RNF217: variants seen among roughly 807,000 people sequenced by gnomAD.
RNF217 encodes the protein ring finger protein 217, also known as E3 ubiquitin-protein ligase RNF217.
A neutral mutation model predicts 57.8 loss-of-function variants in RNF217; 31 were observed. The ratio of observed to expected loss-of-function variants is 0.54; its 90% CI spans 0.40 to 0.72. The LOEUF (loss-of-function observed/expected upper bound fraction) is 0.72. Among genes scored for constraint, RNF217 ranks in the 30% least tolerant of loss-of-function variants. The probability of loss-of-function intolerance (pLI) is 0.00; values close to 1 mark genes in which losing one functional copy is unlikely to be tolerated. For synonymous variants in RNF217, 313 were observed against 294.0 expected (o/e 1.06, Z -0.66); for missense variants, 696 against 708.3 (o/e 0.98, Z 0.20).
intron 1 of RNF217, among the ~76,000 whole-genome samples, chr6:125,034,904 G>T (rs1247599153): frequency 6.6e-6 from 1 of 151,766 alleles, no homozygotes. Flanking sequence ...CCTTGAAGAG[G>T]TCCTTCACAT....
intron 1 of RNF217, among the ~76,000 whole-genome samples, chr6:125,028,808 C>A (rs182761549): frequency 4.5e-4 from 69 of 151,810 alleles, no homozygotes; most frequent in Middle Eastern, 3.4e-3. Flanking sequence ...TGTTAAATTA[C>A]TGTGATGTGT....
chr6:124,996,516 CT>C (rs1408117045), intron 1 of RNF217: 1 of 151,962 alleles, frequency 6.6e-6, no homozygotes, highest in Non-Finnish European at 1.5e-5. Flanking sequence ...TTTATGATGT[CT>C]TTTATGAAGA....
intron 1 of RNF217, among the ~76,000 whole-genome samples, chr6:125,041,420 T>C (rs766278376): frequency 6.6e-6 from 1 of 152,248 alleles, no homozygotes; most frequent in Admixed American, 6.5e-5. Flanking sequence ...AACCAGTGAT[T>C]TGTATTGTCT....
intron 2 of RNF217, among the ~76,000 whole-genome samples, chr6:125,050,029 GA>G (rs929906516): frequency 1.3e-5 from 2 of 151,658 alleles, no homozygotes. Flanking sequence ...TTACGAAAAT[GA>G]AAAAAATATT....
rs1788723581 is a variant in RNF217, at chr6:125,084,820, T to A, written c.*1883T>A. 1 of 151,908 alleles carries A rather than the reference T, an allele frequency of 6.6e-6. No homozygotes were observed. Among genetic ancestry groups the A allele is most frequent in the Non-Finnish European group, 1.5e-5 (1 of 67,826 alleles). 9.4% of individuals were successfully genotyped at this position (151,908 alleles called of 1,614,324 possible). On this transcript the variant is annotated 3_prime_UTR_variant, in exon 6 of 6. Transcript: ENST00000521654. The stretch of plus-strand genomic sequence containing the variant: ...TGTTTTCACAAATTTATCTTTTCAT[T>A]CACCCATCCATCCATTTAACAGATA...
intron 1 of RNF217, among the ~76,000 whole-genome samples, chr6:125,013,356 T>C (rs1485047237): frequency 2.4e-5 from 1 of 42,020 alleles, no homozygotes; most frequent in African/African-American, 6.5e-5. Flanking sequence ...TGTGTATGTG[T>C]GTGTGTGTGT....
chr6:125,030,418 C>A (rs1786303954), intron 1 of RNF217, among the ~76,000 whole-genome samples: 1 of 152,168 alleles, frequency 6.6e-6, no homozygotes, highest in African/African-American at 2.4e-5. Flanking sequence ...CAACTCCCTT[C>A]CTCCTAAGAG....
rs550057505 is a variant in RNF217, at chr6:125,069,769, G to A, written c.1282-6888G>A. Among the ~76,000 whole-genome samples the A allele has an allele frequency of 3.3e-5, 5 of 152,278 alleles. No individual in the cohort carries two copies. In the South Asian group the frequency reaches 6.2e-4, roughly 19 times the overall value. ...CCACATTCCCAGCAATAGTGTATAA[G>A]CATTCCCTTTTCTTTGCAGCCTCAC... is the stretch of plus-strand genomic sequence containing the variant. On this transcript the variant is annotated intron_variant, in intron 3 of 5. Coordinates refer to ENST00000521654, the MANE Select transcript of RNF217 (RefSeq NM_001286398.3).
At chr6:125,003,376 C>A (rs569300403) in intron 1 of RNF217, among the ~76,000 whole-genome samples, 70 of 152,114 alleles carry the variant, frequency 4.6e-4, no homozygotes, top group African/African-American at 1.7e-3. Flanking sequence ...TGGTATGTGA[C>A]CTTGGAAAAG....
intron 1 of RNF217, among the ~76,000 whole-genome samples, chr6:124,966,644 C>T (rs1404853793): frequency 6.6e-6 from 1 of 152,124 alleles, no homozygotes; most frequent in Admixed American, 6.5e-5. Context: ...ACATTTTATG[C>T]CAACATTAAA....
chr6:125,018,717 GTAGGAC>G (rs1424348968), intron 1 of RNF217, among the ~76,000 whole-genome samples: 2 of 152,176 alleles, frequency 1.3e-5, no homozygotes, highest in African/African-American at 4.8e-5. Flanking sequence ...AAAGATGGTA[GTAGGAC>G]TAGTTGAAAA....
At chr6:124,995,882 A>G (rs1562458932) in intron 1 of RNF217, among the ~76,000 whole-genome samples, 3 of 152,132 alleles carry the variant, frequency 2.0e-5, no homozygotes, top group African/African-American at 7.2e-5. Context: ...AGATCGTGTC[A>G]TTGCACTCCA....
chr6:125,018,559 A>C (rs1785698917), intron 1 of RNF217, among the ~76,000 whole-genome samples: 1 of 152,192 alleles, frequency 6.6e-6, no homozygotes, highest in South Asian at 2.1e-4. Flanking sequence ...CCAACAGTGA[A>C]CCAGAAATCA....
chr6:125,071,812 G>A (rs983390899), intron 3 of RNF217, among the ~76,000 whole-genome samples: 1 of 152,068 alleles, frequency 6.6e-6, no homozygotes, highest in African/African-American at 2.4e-5. Flanking sequence ...TGTCATTCAT[G>A]ATTTATGAGT....
chr6:125,084,564 TG>T lies in RNF217; in HGVS notation c.*1628del, dbSNP rs1402487876. The T allele has an allele frequency of 2.6e-5, 4 of 151,960 alleles. No homozygotes were observed. The highest frequency in any genetic ancestry group is 9.7e-5 in the African/African-American group (4 of 41,414). The allele number at this position is 151,960 out of a possible 1,614,324, so 9.4% of individuals were successfully genotyped here. On this transcript the variant is annotated 3_prime_UTR_variant, in exon 6 of 6. Coordinates refer to ENST00000521654, the MANE Select transcript of RNF217 (RefSeq NM_001286398.3). The stretch of plus-strand genomic sequence containing the variant: ...TGCATTAACATGAGTAGTTTATTTT[TG>T]TTGGGCTCCAGAGTGTAAGAATATT...
chr6:125,032,076 G>A (rs955076017), intron 1 of RNF217, among the ~76,000 whole-genome samples: 1 of 152,068 alleles, frequency 6.6e-6, no homozygotes, highest in Non-Finnish European at 1.5e-5. Flanking sequence ...ATTATCACAA[G>A]AATAGCATGG....
In RNF217 at chr6:125,085,107, A is replaced by G. The variant is rs973124135; in HGVS notation, c.*2170A>G. 1.3e-5 allele frequency: 2 copies of G among 151,934 alleles called. No individual in the cohort carries two copies. The highest frequency in any genetic ancestry group is 4.8e-5 in the African/African-American group (2 of 41,428). The allele number at this position is 151,934 out of a possible 1,614,324, so 9.4% of individuals were successfully genotyped here. ...ATATACATATATACCAACGGGCTGAATAACATACTCTTTTGTCTTGGATAA... is the reference window on the plus strand; with the variant it reads ...ATATACATATATACCAACGGGCTGAGTAACATACTCTTTTGTCTTGGATAA... On this transcript the variant is annotated 3_prime_UTR_variant, in exon 6 of 6. Coordinates refer to ENST00000521654, the MANE Select transcript of RNF217 (RefSeq NM_001286398.3).
chr6:125,076,875 C>G lies in RNF217; in HGVS notation c.1483+17C>G. 1 of 1,600,230 alleles carries G rather than the reference C, an allele frequency of 6.2e-7. No individual in the cohort carries two copies. Among genetic ancestry groups the G allele is most frequent in the Non-Finnish European group, 8.6e-7 (1 of 1,167,782 alleles). On this transcript the variant is annotated intron_variant, in intron 4 of 5. Coordinates refer to ENST00000521654, the MANE Select transcript of RNF217 (RefSeq NM_001286398.3). ...CAGTCTGTGGTGAGTGTCTGACATA[C>G]TTATGGGTGTCTTCCCTGGGAATTA...
chr6:125,024,971 A>G (rs1786015870), intron 1 of RNF217, among the ~76,000 whole-genome samples: 1 of 152,198 alleles, frequency 6.6e-6, no homozygotes, highest in Admixed American at 6.5e-5. Context: ...TTAACCAATG[A>G]GAACAATCCA....
Sources: allele counts gnomAD v4.1 joint callset (sites outside exome capture counted in the v4.1 genomes callset), GRCh38; gene constraint gnomAD v4.1.1; transcripts MANE v1.5; gene names NCBI Gene and HGNC (gene_info 2026-07-23, HGNC 2026-07-21).